C8orf34: variants seen among roughly 807,000 people sequenced by gnomAD.
C8orf34 encodes chromosome 8 open reading frame 34.
A neutral mutation model predicts 68.3 loss-of-function variants in C8orf34; 65 were observed. The observed-to-expected ratio is 0.95, with a 90% CI of 0.78 to 1.17. The LOEUF is 1.17. Ranked by LOEUF, C8orf34 falls within the 50% of genes most tolerant of loss-of-function variation. The pLI is 0.00. For synonymous variants in C8orf34, 244 were observed against 241.2 expected, an observed-to-expected ratio of 1.01 and a Z score of -0.11; for missense variants, 664 against 655.4, an observed-to-expected ratio of 1.01 and a Z score of -0.14.
chr8:68,658,200 T>C (rs894009126), intron 8 of C8orf34, among the ~76,000 whole-genome samples: 2 of 152,210 alleles, frequency 1.3e-5, no homozygotes, highest in Non-Finnish European at 2.9e-5. Flanking sequence ...TACAATTTAC[T>C]TGTTTTTTCT....
Position 68,789,068 on chromosome 8 carries a change from A to T in C8orf34, c.1549+1532A>T, listed in dbSNP as rs188316485. Among the ~76,000 whole-genome samples the T allele has an allele frequency of 1.1e-3, 165 of 152,328 alleles. 1 individual carries two copies. Among genetic ancestry groups the T allele is most frequent in the African/African-American group, 3.7e-3 (154 of 41,574 alleles). On this transcript the variant is annotated intron_variant, in intron 12 of 13. Transcript: ENST00000518698. ...AAAAGTTTTATGAAAAAATGCAAAC[A>T]TATCCACATCCCCCCATCTTCCCAC...
rs765549292 is a variant in C8orf34 at position 68,818,250 on chromosome 8, A to C, written c.*4A>C. 6.2e-7 allele frequency: 1 copy of C among 1,612,598 alleles called. No homozygotes were observed. The highest frequency in any genetic ancestry group is 2.2e-5 in the East Asian group (1 of 44,794). The stretch of plus-strand genomic sequence containing the variant: ...TTTCTCCTCTGCAGGTTTGTGAAAC[A>C]GAGAGAAGAAGTTGCAAGTGGTCCT... On this transcript the variant is annotated 3_prime_UTR_variant, in exon 14 of 14. Transcript: ENST00000518698.
At chr8:68,510,131 T>G (rs894168400) in intron 5 of C8orf34, among the ~76,000 whole-genome samples, 1 of 152,106 alleles carries the variant, frequency 6.6e-6, no homozygotes, top group African/African-American at 2.4e-5. Context: ...ACCCAAAGCT[T>G]GGAATTGAGT....
At position 68,602,865 on chromosome 8, in the gene C8orf34, A is replaced by G. The variant is rs1817739488; in HGVS notation, c.1106-37511A>G. 2.0e-5 allele frequency among the ~76,000 whole-genome samples: 3 copies of G among 152,104 alleles called. No homozygotes were observed. The South Asian group carries it at 6.2e-4, about 32-fold the overall frequency. ...GGCTTTTTGCTGAGGTAGGGCAGGTATTGCCCCCCATGTTTTCTGTTCATG... is the reference window on the plus strand; with the variant it reads ...GGCTTTTTGCTGAGGTAGGGCAGGTGTTGCCCCCCATGTTTTCTGTTCATG... On this transcript the variant is annotated intron_variant, in intron 7 of 13. Transcript: ENST00000518698.
At chr8:68,801,702 G>T (rs1824331868) in intron 12 of C8orf34, among the ~76,000 whole-genome samples, 1 of 152,092 alleles carries the variant, frequency 6.6e-6, no homozygotes, top group Non-Finnish European at 1.5e-5. Context: ...AGAACTTAAG[G>T]TAAATTAGTT....
chr8:68,382,855 AATTTAT>A (rs1252961666), intron 1 of C8orf34, among the ~76,000 whole-genome samples: 6 of 152,146 alleles, frequency 3.9e-5, no homozygotes, highest in Non-Finnish European at 5.9e-5. Context: ...GCAATTCTGA[AATTTAT>A]ATTTATATTT....
intron 1 of C8orf34, among the ~76,000 whole-genome samples, chr8:68,371,601 CT>C (rs747648137): frequency 0.012 from 1,686 of 138,232 alleles, 18 homozygotes; most frequent in African/African-American, 0.033. Flanking sequence ...TCATTTCTTT[CT>C]TTTTTTTTTT....
intron 12 of C8orf34, among the ~76,000 whole-genome samples, chr8:68,805,315 G>A (rs1824449969): frequency 6.6e-6 from 1 of 152,216 alleles, no homozygotes; most frequent in South Asian, 2.1e-4. Context: ...GTATTTTGCT[G>A]TTGTTGGGTG....
At chr8:68,498,318 A>C (rs1272131464) in intron 5 of C8orf34, among the ~76,000 whole-genome samples, 3 of 152,266 alleles carry the variant, frequency 2.0e-5, no homozygotes, top group African/African-American at 7.2e-5. Flanking sequence ...TTGCCCTCTT[A>C]GAATTTTGAA....
At chr8:68,545,106 A>T (rs1406351345) in intron 7 of C8orf34, among the ~76,000 whole-genome samples, 1 of 152,108 alleles carries the variant, frequency 6.6e-6, no homozygotes, top group East Asian at 1.9e-4. Flanking sequence ...CCAAATCTCA[A>T]CTTGAATTGT....
intron 3 of C8orf34, among the ~76,000 whole-genome samples, chr8:68,467,874 C>A (rs1812216401): frequency 6.6e-6 from 1 of 151,760 alleles, no homozygotes; most frequent in Non-Finnish European, 1.5e-5. Context: ...GCTATTTTTG[C>A]CCCTGAAAAG....
intron 10 of C8orf34, among the ~76,000 whole-genome samples, chr8:68,766,255 C>T (rs191549888): frequency 5.8e-4 from 89 of 152,306 alleles, no homozygotes; most frequent in African/African-American, 2.1e-3. Context: ...ATCTGAGTCA[C>T]AGTTCAGGAG....
intron 1 of C8orf34, among the ~76,000 whole-genome samples, chr8:68,404,812 C>T (rs534302970): frequency 1.3e-5 from 2 of 152,202 alleles, no homozygotes; most frequent in East Asian, 3.9e-4. Flanking sequence ...TAGTGTGATG[C>T]CTCCAGCTTT....
intron 10 of C8orf34, among the ~76,000 whole-genome samples, chr8:68,771,027 T>C (rs1388357521): frequency 3.3e-5 from 5 of 152,224 alleles, no homozygotes; most frequent in Non-Finnish European, 7.3e-5. Flanking sequence ...GCATTGATGC[T>C]GTATTTATTT....
chr8:68,751,752 A>G (rs1822714878), intron 10 of C8orf34, among the ~76,000 whole-genome samples: 2 of 152,130 alleles, frequency 1.3e-5, no homozygotes, highest in East Asian at 1.9e-4. Context: ...ACTAATGAAA[A>G]CCACTTCTAA....
chr8:68,526,593 T>C (rs532773898), intron 6 of C8orf34, among the ~76,000 whole-genome samples: 1 of 151,858 alleles, frequency 6.6e-6, no homozygotes, highest in Non-Finnish European at 1.5e-5. Flanking sequence ...CGCATAAAAA[T>C]CTATATGCAA....
At chr8:68,439,368 T>C in intron 1 of C8orf34, 131 bp from the exon 2 acceptor site, 2 of 704,788 alleles carry the variant, frequency 2.8e-6, no homozygotes, top group Non-Finnish European at 4.5e-6. Context: ...AAGATTGTTA[T>C]AAGCATGGAG....
At chr8:68,463,970 G>T (rs374543670) in intron 3 of C8orf34, among the ~76,000 whole-genome samples, 3 of 152,182 alleles carry the variant, frequency 2.0e-5, no homozygotes, top group Non-Finnish European at 4.4e-5. Context: ...GGAAATAAAG[G>T]GTATTCAATT....
chr8:68,489,497 A>G (rs1399093142), intron 5 of C8orf34, among the ~76,000 whole-genome samples: 1 of 152,218 alleles, frequency 6.6e-6, no homozygotes, highest in Admixed American at 6.5e-5. Flanking sequence ...CTAAAACAAA[A>G]TTCATTTGTG....
Sources: gnomAD v4.1 joint callset for allele counts (sites outside exome capture counted in the v4.1 genomes callset) on GRCh38, gnomAD v4.1.1 for gene constraint, MANE v1.5 for transcripts, NCBI Gene and HGNC (gene_info 2026-07-23, HGNC 2026-07-21) for gene names.